Variants in ANKS1B observed in about 807,000 individuals in gnomAD.
The protein encoded by ANKS1B is ankyrin repeat and sterile alpha motif domain-containing protein 1B.
ANKS1B carries 36 observed loss-of-function variants against 148.3 expected under a neutral mutation model. The observed-to-expected ratio is 0.24, with a 90% CI of 0.19 to 0.32. The LOEUF (loss-of-function observed/expected upper bound fraction) is 0.32, where lower values mean the gene tolerates loss of function less well. ANKS1B is among the 10% of genes least tolerant of loss of function. The pLI is 1.00. For missense variants in ANKS1B, 1,157 were observed against 1,542.6 expected (o/e 0.75, Z 4.19); for synonymous variants, 542 against 560.8 (o/e 0.97, Z 0.47).
At chr12:99,682,112 A>T (rs1487658054) in intron 8 of ANKS1B, among the ~76,000 whole-genome samples, 1 of 152,220 alleles carries the variant, frequency 6.6e-6, no homozygotes, top group Admixed American at 6.5e-5. Flanking sequence ...TTTATAAAGC[A>T]ATTACTACTA....
chr12:99,668,380 A>C (rs933614698), intron 8 of ANKS1B, among the ~76,000 whole-genome samples: 1 of 151,658 alleles, frequency 6.6e-6, no homozygotes, highest in Non-Finnish European at 1.5e-5. Context: ...TATTGATTTT[A>C]ATCATTCTCA....
intron 9 of ANKS1B, among the ~76,000 whole-genome samples, chr12:99,634,079 C>A (rs1382886264): frequency 6.6e-6 from 1 of 152,110 alleles, no homozygotes; most frequent in Non-Finnish European, 1.5e-5. Flanking sequence ...GGGCCAGAAG[C>A]AATATACTAT....
At chr12:99,327,217 A>G (rs2152240585) in intron 12 of ANKS1B, among the ~76,000 whole-genome samples, 1 of 117,074 alleles carries the variant, frequency 8.5e-6, no homozygotes, top group East Asian at 2.1e-4. Flanking sequence ...CTATTATATA[A>G]TATAATTTAT....
At chr12:99,188,447 A>T (rs1353641117) in intron 14 of ANKS1B, among the ~76,000 whole-genome samples, 1 of 152,228 alleles carries the variant, frequency 6.6e-6, no homozygotes, top group African/African-American at 2.4e-5. Flanking sequence ...AATTGGAAGT[A>T]AAACACTCCT....
At chr12:99,925,812 C>T (rs2094465558) in intron 1 of ANKS1B, among the ~76,000 whole-genome samples, 1 of 152,078 alleles carries the variant, frequency 6.6e-6, no homozygotes, top group Non-Finnish European at 1.5e-5. Context: ...AATTGTCATC[C>T]AATATGAACA....
chr12:99,524,084 A>C (rs1332968737), intron 9 of ANKS1B, among the ~76,000 whole-genome samples: 1 of 152,054 alleles, frequency 6.6e-6, no homozygotes, highest in Non-Finnish European at 1.5e-5. Context: ...GTTCCAAATG[A>C]CTCAAGGTAG....
intron 1 of ANKS1B, among the ~76,000 whole-genome samples, chr12:99,841,427 A>G (rs1169836201): frequency 6.6e-6 from 1 of 152,004 alleles, no homozygotes; most frequent in African/African-American, 2.4e-5. Flanking sequence ...TGCTCTTTGT[A>G]ACAGGATTTT....
At chr12:98,965,279 C>G (rs2099876865) in intron 17 of ANKS1B, among the ~76,000 whole-genome samples, 1 of 152,158 alleles carries the variant, frequency 6.6e-6, no homozygotes, top group African/African-American at 2.4e-5. Flanking sequence ...CTCATAACCT[C>G]AGGAAATATG....
chr12:98,800,690 A>ATATATATATATATATATATATATATATG lies in ANKS1B; in HGVS notation c.3270+306_3270+307insCATATATATATATATATATATATATATA. On this transcript the variant is annotated intron_variant, in intron 21 of 26. Transcript: ENST00000683438. ...AGTGAGCAGAGATATATATATATAT[A>ATATATATATATATATATATATATATATG]TGCCATATTTACACTCATTTCCATT... Among the ~76,000 whole-genome samples, 15 of 138,000 alleles carry ATATATATATATATATATATATATATATG rather than the reference A, an allele frequency of 1.1e-4. 1 individual carries two copies. The highest frequency in any genetic ancestry group is 3.9e-4 in the African/African-American group (15 of 38,336). 90.5% of individuals were successfully genotyped at this position (138,000 alleles called of 152,430 possible).
At chr12:98,735,095 GAAGA>G (rs1049295050) in exon 10 of ANKS1B, 6 of 398,226 alleles carry the variant, frequency 1.5e-5, no homozygotes, top group South Asian at 1.3e-4. Flanking sequence ...AGAAAAATGG[GAAGA>G]AAGACAAGGT....
intron 12 of ANKS1B, among the ~76,000 whole-genome samples, chr12:99,360,794 T>A (rs1413655098): frequency 6.6e-6 from 1 of 152,282 alleles, no homozygotes; most frequent in Admixed American, 6.5e-5. Context: ...TCTTTGTTGT[T>A]GTAAGCCATT....
intron 9 of ANKS1B, among the ~76,000 whole-genome samples, chr12:99,635,131 A>T (rs1450609150): frequency 1.3e-5 from 2 of 152,188 alleles, no homozygotes; most frequent in African/African-American, 4.8e-5. Context: ...ATGTGAAGAA[A>T]TTGGAATCCT....
rs1272883721 is a variant in ANKS1B, at chr12:99,264,556, A to AT, written c.1757-17693dup. Among the ~76,000 whole-genome samples, 11 of 152,264 alleles carry AT rather than the reference A, an allele frequency of 7.2e-5. No individual in the cohort carries two copies. The East Asian group carries it at 1.7e-3, about 24-fold the overall frequency. ...ATGCAGCGTTAGTCTACTGAATATC[A>AT]TTGAGATCCATTTGACGTTAGCATT... On this transcript the variant is annotated intron_variant, in intron 12 of 26. Transcript: ENST00000683438.
intron 12 of ANKS1B, among the ~76,000 whole-genome samples, chr12:99,364,547 G>A (rs2092665153): frequency 6.6e-6 from 1 of 152,112 alleles, no homozygotes; most frequent in Admixed American, 6.5e-5. Context: ...TTTACTTAAT[G>A]CTGTACATAA....
chr12:99,185,162 A>G (rs774938373), intron 14 of ANKS1B, among the ~76,000 whole-genome samples: 5 of 152,222 alleles, frequency 3.3e-5, no homozygotes, highest in Non-Finnish European at 5.9e-5. Flanking sequence ...TGTGAGTTTA[A>G]AAAGTATCAG....
chr12:99,206,488 T>G (rs753088346), intron 14 of ANKS1B, among the ~76,000 whole-genome samples: 6 of 152,130 alleles, frequency 3.9e-5, no homozygotes, highest in Non-Finnish European at 7.4e-5. Context: ...AAAAAAAAAT[T>G]TAATGGGCTC....
intron 11 of ANKS1B, among the ~76,000 whole-genome samples, chr12:99,425,260 A>G (rs1237819060): frequency 2.0e-5 from 3 of 152,014 alleles, no homozygotes; most frequent in African/African-American, 7.2e-5. Flanking sequence ...ACATTTTTAT[A>G]GTTACCATAT....
chr12:99,488,520 C>T (rs1243128896), intron 10 of ANKS1B, among the ~76,000 whole-genome samples: 1 of 151,900 alleles, frequency 6.6e-6, no homozygotes, highest in Non-Finnish European at 1.5e-5. Context: ...TATTAAGTAC[C>T]TTTGTTTCTC....
intron 4 of ANKS1B, among the ~76,000 whole-genome samples, chr12:99,784,088 C>T (rs374362512): frequency 1.3e-5 from 2 of 151,930 alleles, no homozygotes; most frequent in Admixed American, 6.6e-5. Flanking sequence ...TTTCTCCCTG[C>T]TTTCCTCTCC....
Sources: allele counts gnomAD v4.1 joint callset (sites outside exome capture counted in the v4.1 genomes callset), GRCh38; gene constraint gnomAD v4.1.1; transcripts MANE v1.5; gene names NCBI Gene and HGNC (gene_info 2026-07-23, HGNC 2026-07-21).